The following TRIM55 variants were observed in gnomAD, a reference collection of about 807,000 sequenced individuals.
TRIM55 encodes tripartite motif-containing protein 55.
TRIM55 carries 50 observed loss-of-function variants against 60.9 expected under a neutral mutation model. The observed-to-expected ratio is 0.82, with a 90% CI of 0.65 to 1.04. The LOEUF (loss-of-function observed/expected upper bound fraction) is 1.04. Among genes scored for constraint, TRIM55 ranks in the 50% least tolerant of loss-of-function variants. The pLI, the probability that TRIM55 is intolerant of heterozygous loss-of-function variation, is 0.00. For synonymous variants in TRIM55, 237 were observed against 238.1 expected (o/e 1.00, Z 0.04); for missense variants, 681 against 666.9 (o/e 1.02, Z -0.23).
chr8:66,171,450 T>C (rs976722832), intron 9 of TRIM55, among the ~76,000 whole-genome samples: 1 of 152,202 alleles, frequency 6.6e-6, no homozygotes, highest in African/African-American at 2.4e-5. Context: ...CTGCTTAGTA[T>C]CTAAGGATGC....
chr8:66,137,142 A>G lies in TRIM55; in HGVS notation c.555A>G (p.Arg185=), dbSNP rs1197252016. The G allele has an allele frequency of 1.9e-6, 3 of 1,614,166 alleles. No homozygotes were observed. The highest frequency in any genetic ancestry group is 4.5e-5 in the East Asian group (2 of 44,876). ...GIAILVGSND[R]VQGVISQLED... ...CCATCCTCGTGGGCAGCAACGATCG[A>G]GTCCAGGGAGTGATCAGCCAGCTGG... The change falls in exon 4 of 10, where the codon CGA becomes CGG. Residue 185 remains arginine, a synonymous_variant. Coordinates refer to ENST00000315962, the MANE Select transcript of TRIM55 (RefSeq NM_184085.2).
At chr8:66,164,260 G>A (rs988679304) in intron 9 of TRIM55, among the ~76,000 whole-genome samples, 8 of 152,294 alleles carry the variant, frequency 5.3e-5, no homozygotes, top group African/African-American at 1.4e-4. Flanking sequence ...CCACAAGCAC[G>A]GCCAAGCACA....
chr8:66,174,460 T>C lies in TRIM55; in HGVS notation c.1525-11T>C. On this transcript the variant is annotated splice_polypyrimidine_tract_variant and intron_variant, in intron 9 of 9. Coordinates refer to ENST00000315962, the MANE Select transcript of TRIM55 (RefSeq NM_184085.2). ...TCTTTTTTCTCTGATTCCCATTTTC[T>C]TCCATTGCAGATTGGATTTGAGGCT... 6.2e-7 allele frequency: 1 copy of C among 1,610,200 alleles called. No homozygotes were observed. Among genetic ancestry groups the C allele is most frequent in the Non-Finnish European group, 8.5e-7 (1 of 1,178,660 alleles).
At chr8:66,129,481 A>G (rs1809019895) in intron 2 of TRIM55, among the ~76,000 whole-genome samples, 1 of 152,198 alleles carries the variant, frequency 6.6e-6, no homozygotes, top group Non-Finnish European at 1.5e-5. Flanking sequence ...TAATTATTAT[A>G]ATTATTATAG....
the TRIM55 span, chr8:66,114,446 T>A: frequency 2.3e-6 from 1 of 439,924 alleles, no homozygotes; most frequent in Non-Finnish European, 4.6e-6. Context: ...CCCATTTAAT[T>A]GGGGGGAAAT....
In TRIM55 at chr8:66,150,401, T is replaced by G. The variant is rs536583939; in HGVS notation, c.920T>G (p.Met307Arg). The change falls in exon 7 of 10, where the codon ATG (methionine) becomes AGG (arginine). Residue 307 changes from methionine (M) to arginine (R), a missense_variant. Met to Arg is a moderately conservative substitution (Grantham distance 91). Coordinates refer to ENST00000315962, the MANE Select transcript of TRIM55 (RefSeq NM_184085.2). The part of the protein sequence containing the change: ...MEKIEHGYEN[M>R]NHFTVNLNRE... ...AAAATAGAACATGGCTATGAGAACA[T>G]GAACCACTTCACAGTCAACCTCAAT... The G allele has an allele frequency of 9.3e-6, 15 of 1,614,160 alleles. No homozygotes were observed. The African/African-American group carries it at 1.7e-4, about 19-fold the overall frequency.
intron 9 of TRIM55, among the ~76,000 whole-genome samples, chr8:66,164,183 C>T (rs567608276): frequency 6.6e-6 from 1 of 152,206 alleles, no homozygotes; most frequent in Admixed American, 6.5e-5. Flanking sequence ...CGTTATTCCA[C>T]ATGGCAGGCC....
At chr8:66,129,221 A>G (rs1471639720) in intron 2 of TRIM55, among the ~76,000 whole-genome samples, 1 of 152,210 alleles carries the variant, frequency 6.6e-6, no homozygotes, top group African/African-American at 2.4e-5. Context: ...TATTCACCAA[A>G]CCACATTGGC....
the TRIM55 span, among the ~76,000 whole-genome samples, chr8:66,121,066 G>T: frequency 3.3e-5 from 5 of 152,160 alleles, no homozygotes; most frequent in African/African-American, 1.2e-4. Context: ...GTTCCATTTG[G>T]CCCGGCAGCT....
chr8:66,137,073 G>A, intron 3 of TRIM55, 22 bp from the exon 4 acceptor site: 2 of 1,607,412 alleles, frequency 1.2e-6, no homozygotes, highest in Admixed American at 1.7e-5. Context: ...AAGATATTGG[G>A]TTCATGTTTT....
chr8:66,139,625 C>G (rs1216861455), intron 4 of TRIM55, among the ~76,000 whole-genome samples: 2 of 152,130 alleles, frequency 1.3e-5, no homozygotes, highest in African/African-American at 4.8e-5. Flanking sequence ...TTCTTATTGG[C>G]AATACAATTC....
At chr8:66,159,012 A>G (rs934913386) in intron 9 of TRIM55, among the ~76,000 whole-genome samples, 1 of 152,244 alleles carries the variant, frequency 6.6e-6, no homozygotes, top group African/African-American at 2.4e-5. Context: ...AAGAAATGAA[A>G]GATGTGATTT....
At chr8:66,167,395 C>G (rs1165234649) in intron 9 of TRIM55, among the ~76,000 whole-genome samples, 3 of 152,198 alleles carry the variant, frequency 2.0e-5, no homozygotes, top group African/African-American at 7.2e-5. Context: ...AATACATACA[C>G]TGTCTACATG....
At chr8:66,138,640 C>T (rs986089184) in intron 4 of TRIM55, among the ~76,000 whole-genome samples, 4 of 152,232 alleles carry the variant, frequency 2.6e-5, no homozygotes, top group East Asian at 1.9e-4. Flanking sequence ...CTGCCCGCCT[C>T]GGACTCCCAA....
intron 4 of TRIM55, among the ~76,000 whole-genome samples, chr8:66,139,893 C>T (rs1265778322): frequency 6.6e-6 from 1 of 152,124 alleles, no homozygotes; most frequent in East Asian, 1.9e-4. Context: ...TACAGTCATG[C>T]ACCATGTAAC....
intron 2 of TRIM55, among the ~76,000 whole-genome samples, chr8:66,133,991 C>T (rs529193578): frequency 1.3e-5 from 2 of 152,158 alleles, no homozygotes; most frequent in South Asian, 2.1e-4. Flanking sequence ...TATATACACA[C>T]GTACACCTGA....
intron 4 of TRIM55, among the ~76,000 whole-genome samples, chr8:66,147,813 A>AAAAAC (rs1810185824): frequency 9.7e-5 from 14 of 144,534 alleles, no homozygotes; most frequent in African/African-American, 2.4e-4. Flanking sequence ...AAAAAAAAAA[A>AAAAAC]AAAACCACAA....
At chr8:66,170,586 G>T (rs922587789) in intron 9 of TRIM55, among the ~76,000 whole-genome samples, 1 of 151,948 alleles carries the variant, frequency 6.6e-6, no homozygotes, top group Non-Finnish European at 1.5e-5. Context: ...TCTGTGCCAG[G>T]TCCTTCTTTT....
chr8:66,171,925 A>G (rs1486658905), intron 9 of TRIM55, among the ~76,000 whole-genome samples: 1 of 152,002 alleles, frequency 6.6e-6, no homozygotes, highest in Non-Finnish European at 1.5e-5. Flanking sequence ...AAGATGCCCA[A>G]TTCTGGAAAA....
Sources: gnomAD v4.1 joint callset for allele counts (sites outside exome capture counted in the v4.1 genomes callset) on GRCh38, gnomAD v4.1.1 for gene constraint, MANE v1.5 for transcripts, NCBI Gene and HGNC (gene_info 2026-07-23, HGNC 2026-07-21) for gene names.